The following ZFAND3 variants were observed in gnomAD, a reference collection of about 807,000 sequenced individuals.
ZFAND3 encodes the protein AN1-type zinc finger protein 3.
Under a neutral mutation model 29.6 loss-of-function variants are expected in ZFAND3, and 10 were observed. That is an observed-to-expected ratio of 0.34 (90% CI 0.21 to 0.57). The LOEUF (loss-of-function observed/expected upper bound fraction) is 0.57, where lower values mean the gene tolerates loss of function less well. Among genes scored for constraint, ZFAND3 ranks in the 20% least tolerant of loss-of-function variants. The pLI is 0.86. For missense variants in ZFAND3, 230 were observed against 304.5 expected, an observed-to-expected ratio of 0.76 and a Z score of 1.82; for synonymous variants, 128 against 112.6, an observed-to-expected ratio of 1.14 and a Z score of -0.87.
In ZFAND3 at chr6:38,120,320, C is replaced by CTTTTTTTTT. The variant is rs70981523; in HGVS notation, c.529+3603_529+3611dup. 4.6e-3 allele frequency among the ~76,000 whole-genome samples: 279 copies of CTTTTTTTTT among 60,722 alleles called. 49 individuals carry two copies. Among genetic ancestry groups the CTTTTTTTTT allele is most frequent in the African/African-American group, 5.6e-3 (100 of 17,774 alleles). 39.8% of individuals were successfully genotyped at this position (60,722 alleles called of 152,430 possible). ...TGATTGATACACGTAGCTTGGCTTC[C>CTTTTTTTTT]TTTTTTTTTTTTTTTTTTTTTTTTT... On this transcript the variant is annotated intron_variant, in intron 5 of 5. Transcript: ENST00000287218.
In ZFAND3 at chr6:38,154,434, T is replaced by TGTAA; in HGVS notation, c.*2047_*2050dup. ...TATCTGTTCTGTGAAGTTTGTTAAA[T>TGTAA]GTAAGGAAAGCTTAAATTCTTGTAT... On this transcript the variant is annotated 3_prime_UTR_variant, in exon 6 of 6. Coordinates refer to ENST00000287218, the MANE Select transcript of ZFAND3 (RefSeq NM_021943.3). 1.0e-6 allele frequency: 1 copy of TGTAA among 985,854 alleles called. No individual in the cohort carries two copies. Among genetic ancestry groups the TGTAA allele is most frequent in the Non-Finnish European group, 1.2e-6 (1 of 829,884 alleles). 61.1% of individuals were successfully genotyped at this position (985,854 alleles called of 1,614,324 possible).
At chr6:37,840,210 G>T (rs1338811695) in intron 1 of ZFAND3, among the ~76,000 whole-genome samples, 1 of 151,942 alleles carries the variant, frequency 6.6e-6, no homozygotes, top group African/African-American at 2.4e-5. Flanking sequence ...CGATTCTCCT[G>T]CCTCAGCCCC....
At chr6:37,870,212 T>C (rs572310194) in intron 1 of ZFAND3, among the ~76,000 whole-genome samples, 53 of 140,046 alleles carry the variant, frequency 3.8e-4, no homozygotes, top group African/African-American at 1.3e-3. Context: ...GTGAGCCCGA[T>C]GTGGGAGGAT....
intron 2 of ZFAND3, among the ~76,000 whole-genome samples, chr6:38,015,515 A>G (rs575933144): frequency 1.3e-5 from 2 of 152,314 alleles, no homozygotes; most frequent in South Asian, 4.1e-4. Context: ...AGCAGTGTTT[A>G]TGTTAATGGA....
At chr6:38,126,816 C>T (rs1217108623) in intron 5 of ZFAND3, among the ~76,000 whole-genome samples, 1 of 151,930 alleles carries the variant, frequency 6.6e-6, no homozygotes, top group Non-Finnish European at 1.5e-5. Flanking sequence ...TTAGGTGTTT[C>T]TCAGCCACAT....
chr6:38,108,437 G>A (rs1011645470), intron 4 of ZFAND3, among the ~76,000 whole-genome samples: 5 of 152,154 alleles, frequency 3.3e-5, no homozygotes, highest in African/African-American at 1.2e-4. Flanking sequence ...AAGTCCAAAA[G>A]CCCCCAAACA....
chr6:38,067,793 A>T (rs1228643103), intron 3 of ZFAND3, among the ~76,000 whole-genome samples: 1 of 152,178 alleles, frequency 6.6e-6, no homozygotes, highest in Non-Finnish European at 1.5e-5. Context: ...TTAGCTCTTT[A>T]TACAAGTCAG....
intron 2 of ZFAND3, among the ~76,000 whole-genome samples, chr6:38,041,712 C>T (rs1375304530): frequency 1.9e-3 from 1 of 526 alleles, no homozygotes; most frequent in African/African-American, 2.3e-3. Context: ...CCTCCTCCTC[C>T]TCCTCCTCCT....
chr6:38,017,046 G>A (rs141922781), intron 2 of ZFAND3, among the ~76,000 whole-genome samples: 1,678 of 152,320 alleles, frequency 0.011, 9 homozygotes, highest in Non-Finnish European at 0.018. Flanking sequence ...TTGGGAAGTG[G>A]AAGTATACAT....
chr6:38,146,094 C>T (rs1340464046), intron 5 of ZFAND3, among the ~76,000 whole-genome samples: 5 of 152,226 alleles, frequency 3.3e-5, no homozygotes, highest in African/African-American at 1.2e-4. Flanking sequence ...CCCGGGATGA[C>T]AGCCTTCGGT....
At chr6:37,990,350 C>T (rs1160713574) in intron 2 of ZFAND3, among the ~76,000 whole-genome samples, 1 of 152,072 alleles carries the variant, frequency 6.6e-6, no homozygotes, top group African/African-American at 2.4e-5. Flanking sequence ...ATTCCCCCTC[C>T]CCTCAAGCCA....
intron 1 of ZFAND3, among the ~76,000 whole-genome samples, chr6:37,922,142 T>TTACC (rs1761393441): frequency 6.6e-6 from 1 of 152,142 alleles, no homozygotes; most frequent in Non-Finnish European, 1.5e-5. Flanking sequence ...TATGTAGAAC[T>TTACC]TACCTGGAAG....
intron 3 of ZFAND3, among the ~76,000 whole-genome samples, chr6:38,075,801 G>T (rs1764541637): frequency 6.6e-6 from 1 of 152,050 alleles, no homozygotes; most frequent in Non-Finnish European, 1.5e-5. Context: ...GCCCAGCCTG[G>T]AGTGCAGTGG....
chr6:38,050,298 TGGA>T (rs1279973466), intron 2 of ZFAND3, among the ~76,000 whole-genome samples: 1 of 151,960 alleles, frequency 6.6e-6, no homozygotes, highest in African/African-American at 2.4e-5. Context: ...CTTCTAGAGA[TGGA>T]GTTTTGAGAT....
intron 1 of ZFAND3, among the ~76,000 whole-genome samples, chr6:37,854,352 G>A (rs1396109398): frequency 1.3e-5 from 2 of 152,176 alleles, no homozygotes; most frequent in African/African-American, 2.4e-5. Context: ...GGGGAGACAT[G>A]AATTCAGGTG....
At chr6:38,130,712 G>A (rs1269413216) in intron 5 of ZFAND3, among the ~76,000 whole-genome samples, 1 of 152,172 alleles carries the variant, frequency 6.6e-6, no homozygotes, top group East Asian at 1.9e-4. Flanking sequence ...GATTTGGTTA[G>A]CTAGTATTTT....
chr6:38,141,989 G>A (rs1358140693), intron 5 of ZFAND3, among the ~76,000 whole-genome samples: 1 of 152,210 alleles, frequency 6.6e-6, no homozygotes, highest in Non-Finnish European at 1.5e-5. Context: ...GGTTCTTCAA[G>A]GTTAAATGGC....
At chr6:38,091,004 C>T (rs1561995402) in intron 4 of ZFAND3, among the ~76,000 whole-genome samples, 3 of 152,118 alleles carry the variant, frequency 2.0e-5, no homozygotes, top group East Asian at 1.9e-4. Flanking sequence ...TATCCAAGGC[C>T]TCGTTTGGGC....
At chr6:38,135,545 GACAA>G (rs1765822943) in intron 5 of ZFAND3, among the ~76,000 whole-genome samples, 1 of 152,176 alleles carries the variant, frequency 6.6e-6, no homozygotes, top group East Asian at 1.9e-4. Flanking sequence ...AGGAGTTCGA[GACAA>G]ACCTGACCAA....
Sources: allele counts gnomAD v4.1 joint callset (sites outside exome capture counted in the v4.1 genomes callset), GRCh38; gene constraint gnomAD v4.1.1; transcripts MANE v1.5; gene names NCBI Gene and HGNC (gene_info 2026-07-23, HGNC 2026-07-21).